NFX1: variants seen among roughly 807,000 people sequenced by gnomAD.
NFX1 encodes nuclear transcription factor, X-box binding 1, also known as transcriptional repressor NF-X1.
A neutral mutation model predicts 137.2 loss-of-function variants in NFX1; 69 were observed. The ratio of observed to expected loss-of-function variants is 0.50; its 90% CI spans 0.41 to 0.61. NFX1 has a LOEUF of 0.61. Among genes scored for constraint, NFX1 ranks in the 20% least tolerant of loss-of-function variants. NFX1 has a pLI of 0.00. For missense variants in NFX1, 1,167 were observed against 1,391.0 expected, an observed-to-expected ratio of 0.84 and a Z score of 2.56; for synonymous variants, 495 against 474.1, an observed-to-expected ratio of 1.04 and a Z score of -0.57.
Position 33,370,011 on chromosome 9 carries a change from T to C in NFX1, c.*33T>C, listed in dbSNP as rs758607590. 2.6e-6 allele frequency: 4 copies of C among 1,529,226 alleles called. No homozygotes were observed. The highest frequency in any genetic ancestry group is 3.6e-6 in the Non-Finnish European group (4 of 1,104,632). The allele number at this position is 1,529,226 out of a possible 1,614,324, so 94.7% of individuals were successfully genotyped here. On this transcript the variant is annotated 3_prime_UTR_variant, in exon 24 of 24. Transcript: ENST00000379540. The stretch of plus-strand genomic sequence containing the variant: ...ATGATGCACTTAGATAAAAGAATGA[T>C]TAGGTATAGTGGAGACTTATTTGCC...
chr9:33,342,712 C>CA, intron 12 of NFX1, 34 bp from the exon 13 acceptor site: 1 of 1,420,192 alleles, frequency 7.0e-7, no homozygotes, highest in Non-Finnish European at 9.6e-7. Flanking sequence ...AAATGAAGAC[C>CA]ATTTTATGAA....
intron 9 of NFX1, among the ~76,000 whole-genome samples, chr9:33,320,820 G>A (rs1192075015): frequency 6.6e-6 from 1 of 152,168 alleles, no homozygotes; most frequent in African/African-American, 2.4e-5. Context: ...AGAATCTTTA[G>A]GTTTGGTTTC....
At chr9:33,327,880 AT>A (rs1445694161) in intron 9 of NFX1, among the ~76,000 whole-genome samples, 1 of 152,128 alleles carries the variant, frequency 6.6e-6, no homozygotes, top group Non-Finnish European at 1.5e-5. Flanking sequence ...ATGGCTTCTG[AT>A]TATTTATAAT....
Position 33,324,265 on chromosome 9 carries a change from G to A in NFX1, c.1907-4316G>A, listed in dbSNP as rs557340454. On this transcript the variant is annotated intron_variant, in intron 9 of 23. Transcript: ENST00000379540. ...GTGGCGGCACACGCCTGTAATCCTGGCTATTTGGAAGGCTAAGGCAGGAGA... is the reference window on the plus strand; with the variant it reads ...GTGGCGGCACACGCCTGTAATCCTGACTATTTGGAAGGCTAAGGCAGGAGA... Among the ~76,000 whole-genome samples the A allele has an allele frequency of 4.6e-5, 7 of 152,272 alleles. No individual in the cohort carries two copies. In the South Asian group the frequency reaches 1.5e-3, roughly 32 times the overall value.
chr9:33,366,562 A>G, intron 21 of NFX1, 67 bp from the exon 22 acceptor site: 2 of 1,570,232 alleles, frequency 1.3e-6, no homozygotes, highest in South Asian at 1.1e-5. Flanking sequence ...TTGTGTGGTA[A>G]GATTAGTTGT....
intron 14 of NFX1, among the ~76,000 whole-genome samples, chr9:33,345,632 A>G (rs528215450): frequency 6.6e-6 from 1 of 152,304 alleles, no homozygotes; most frequent in Admixed American, 6.5e-5. Context: ...GTGGGATCCT[A>G]CTGAACTTAA....
intron 4 of NFX1, among the ~76,000 whole-genome samples, chr9:33,303,845 C>T (rs921868481): frequency 6.6e-6 from 1 of 152,022 alleles, no homozygotes; most frequent in Non-Finnish European, 1.5e-5. Context: ...TTTTCCTTTC[C>T]TGCCTTTTAA....
At chr9:33,326,129 G>A (rs1353076191) in intron 9 of NFX1, among the ~76,000 whole-genome samples, 1 of 151,884 alleles carries the variant, frequency 6.6e-6, no homozygotes, top group East Asian at 1.9e-4. Context: ...GTATAAGAGG[G>A]GGGCTAGGCG....
chr9:33,328,303 G>T (rs568617198), intron 9 of NFX1, among the ~76,000 whole-genome samples: 7 of 152,122 alleles, frequency 4.6e-5, no homozygotes, highest in Admixed American at 2.6e-4. Context: ...GGAATTATAG[G>T]CATGAGCCAC....
rs566535660 is a variant in NFX1, at chr9:33,367,597, C to T, written c.3268C>T (p.His1090Tyr). 6.8e-6 allele frequency: 11 copies of T among 1,613,832 alleles called. No individual in the cohort carries two copies. The highest frequency in any genetic ancestry group is 6.7e-5 in the East Asian group (3 of 44,870). The change falls in exon 23 of 24, where the codon CAT becomes TAT. Residue 1090 changes from histidine (H) to tyrosine (Y), a missense_variant. His to Tyr is a moderately conservative substitution (Grantham distance 83). This residue lies in a region of NFX1 where 312 missense variants were observed against 312.8 expected (regional missense o/e 1.00). Transcript: ENST00000379540. Reference protein sequence around the residue: ...MQARPPPPIPHHRHQSDKNPG... With the variant: ...MQARPPPPIPYHRHQSDKNPG... ...GGCACGGCCTCCACCACCGATTCCT[C>T]ATCACAGACATCAGTCAGACAAGTA...
At position 33,303,342 on chromosome 9, in the gene NFX1, G is replaced by A. The variant is rs1283776455; in HGVS notation, c.1270+74G>A. The A allele has an allele frequency of 4.3e-5, 56 of 1,303,342 alleles. No homozygotes were observed. The Admixed American group carries it at 9.5e-4, about 22-fold the overall frequency. 80.7% of individuals were successfully genotyped at this position (1,303,342 alleles called of 1,614,324 possible). ...CCTCAGTTCAGGAAAGGTGGTCTGCGGGGCATGTTTTAGAAGTTACTAATG... is the reference window on the plus strand; with the variant it reads ...CCTCAGTTCAGGAAAGGTGGTCTGCAGGGCATGTTTTAGAAGTTACTAATG... On this transcript the variant is annotated intron_variant, in intron 4 of 23. Coordinates refer to ENST00000379540, the MANE Select transcript of NFX1 (RefSeq NM_002504.6).
chr9:33,315,616 T>G (rs1392030430), intron 7 of NFX1, among the ~76,000 whole-genome samples: 1 of 151,694 alleles, frequency 6.6e-6, no homozygotes, highest in Non-Finnish European at 1.5e-5. Context: ...GTGGCTAGAT[T>G]GGCCTGGGCA....
intron 9 of NFX1, among the ~76,000 whole-genome samples, chr9:33,319,468 A>G (rs1346192995): frequency 6.6e-6 from 1 of 151,948 alleles, no homozygotes; most frequent in Non-Finnish European, 1.5e-5. Context: ...AGTGTTGAAA[A>G]CCCTTTTCAC....
At chr9:33,292,285 C>A (rs1821190408) in intron 1 of NFX1, among the ~76,000 whole-genome samples, 1 of 152,162 alleles carries the variant, frequency 6.6e-6, no homozygotes, top group Non-Finnish European at 1.5e-5. Context: ...ATTCCATGTT[C>A]GTATTTTAGC....
Position 33,318,732 on chromosome 9 carries a change from A to G in NFX1, c.1590A>G (p.Val530=), listed in dbSNP as rs1311285262. ...TGTTTTTGAAATTTTCTCTTCAAGT[A>G]TGCTATTGCGGCAGCACCTCCCGAG... is the stretch of plus-strand genomic sequence containing the variant. The part of the protein sequence containing the change: ...CQPCQIILNQ[V]CYCGSTSRDV... The change falls in exon 8 of 24, where the codon GTA becomes GTG. Residue 530 remains valine, a splice_region_variant and synonymous_variant. Coordinates refer to ENST00000379540, the MANE Select transcript of NFX1 (RefSeq NM_002504.6). 4 of 1,613,924 alleles carry G rather than the reference A, an allele frequency of 2.5e-6. No individual in the cohort carries two copies. The African/African-American group carries it at 4.0e-5, about 16-fold the overall frequency.
At chr9:33,323,334 C>T (rs1456182420) in intron 9 of NFX1, among the ~76,000 whole-genome samples, 1 of 152,078 alleles carries the variant, frequency 6.6e-6, no homozygotes, top group African/African-American at 2.4e-5. Flanking sequence ...GCTAAAATGT[C>T]TAGTTTCCAA....
At chr9:33,352,575 T>G (rs1823675103) in intron 16 of NFX1, 71 bp from the exon 17 acceptor site, 1 of 1,310,412 alleles carries the variant, frequency 7.6e-7, no homozygotes, top group Non-Finnish European at 1.1e-6. Context: ...AGAGAGGATT[T>G]AAGAGTGAAA....
At position 33,354,918 on chromosome 9, in the gene NFX1, A is replaced by G. The variant is rs1462280218; in HGVS notation, c.2873+26A>G. The G allele has an allele frequency of 2.5e-6, 4 of 1,612,944 alleles. No individual in the cohort carries two copies. In the East Asian group the frequency reaches 6.7e-5, roughly 27 times the overall value. On this transcript the variant is annotated intron_variant, in intron 19 of 23. Transcript: ENST00000379540. ...GTAAGTAGTTGCAGCTGCTTTTTTA[A>G]TCTCCTTGCCCTTGAGCTCTGTGAA...
intron 9 of NFX1, among the ~76,000 whole-genome samples, chr9:33,326,427 A>G (rs1822591622): frequency 6.6e-6 from 1 of 150,478 alleles, no homozygotes; most frequent in Admixed American, 6.6e-5. Flanking sequence ...AAAAAAAAAA[A>G]AAAAAAAAAA....
Sources: allele counts gnomAD v4.1 joint callset (sites outside exome capture counted in the v4.1 genomes callset), GRCh38; gene constraint gnomAD v4.1.1; regional missense constraint gnomAD v4.1.1; transcripts MANE v1.5; gene names NCBI Gene and HGNC (gene_info 2026-07-23, HGNC 2026-07-21).